Variants in AFAP1L1 observed in about 807,000 individuals in gnomAD.
The protein encoded by AFAP1L1 is actin filament associated protein 1 like 1, also known as actin filament-associated protein 1-like 1.
Under a neutral mutation model 99.8 loss-of-function variants are expected in AFAP1L1, and 77 were observed. The observed-to-expected ratio is 0.77, with a 90% CI of 0.64 to 0.93. The LOEUF is 0.93. Among genes scored for constraint, AFAP1L1 ranks in the 40% least tolerant of loss-of-function variants. The pLI, the probability that AFAP1L1 is intolerant of heterozygous loss-of-function variation, is 0.00. For synonymous variants in AFAP1L1, 373 were observed against 395.3 expected (o/e 0.94, Z 0.67); for missense variants, 893 against 996.8 (o/e 0.90, Z 1.40).
chr5:149,317,891 C>A lies in AFAP1L1; in HGVS notation c.1430C>A (p.Pro477Gln). 1 of 1,595,494 alleles carries A rather than the reference C, an allele frequency of 6.3e-7. No homozygotes were observed. The highest frequency in any genetic ancestry group is 1.1e-5 in the South Asian group (1 of 87,996). ...GCCCCGGGCTTTGGGCCCCGACACCCATTTGCCTTCAGGATCCTGCGCAAC... is the reference window on the plus strand; with the variant it reads ...GCCCCGGGCTTTGGGCCCCGACACCAATTTGCCTTCAGGATCCTGCGCAAC... ...EVAPGFGPRH[P>Q]FAFRILRNRQ... Residue 477 changes from proline (P) to glutamine (Q), a missense_variant, in exon 12 of 19, where the codon CCA becomes CAA. Pro to Gln is a moderately conservative substitution (Grantham distance 76). Transcript: ENST00000296721.
chr5:149,335,739 G>A lies in AFAP1L1; in HGVS notation c.2283+17G>A. The A allele has an allele frequency of 1.9e-6, 3 of 1,605,808 alleles. No individual in the cohort carries two copies. The highest frequency in any genetic ancestry group is 2.5e-6 in the Non-Finnish European group (3 of 1,177,742). On this transcript the variant is annotated intron_variant, in intron 18 of 18. Transcript: ENST00000296721. ...AAAGCCAAGGTAGAGCCATAGTTCT[G>A]CTCCTCAAAAATCAGAGATCTGGTA... is the stretch of plus-strand genomic sequence containing the variant.
chr5:149,319,085 C>A (rs974738783), intron 12 of AFAP1L1, among the ~76,000 whole-genome samples: 1 of 152,198 alleles, frequency 6.6e-6, no homozygotes, highest in Non-Finnish European at 1.5e-5. Context: ...ATAAGATGCT[C>A]TTTAAATGAG....
chr5:149,277,408 G>A lies in AFAP1L1; in HGVS notation c.16+5424G>A, dbSNP rs575177847. ...CAGCTTTTGAGATCCAAATTAGGAA[G>A]GCCATGTCTTCCCTACAGTGTCCAT... On this transcript the variant is annotated intron_variant, in intron 1 of 18. Coordinates refer to ENST00000296721, the MANE Select transcript of AFAP1L1 (RefSeq NM_152406.4). 5.3e-5 allele frequency among the ~76,000 whole-genome samples: 8 copies of A among 152,262 alleles called. No homozygotes were observed. In the East Asian group the frequency reaches 1.4e-3, roughly 26 times the overall value.
chr5:149,281,382 G>A (rs1381579268), intron 1 of AFAP1L1, among the ~76,000 whole-genome samples: 1 of 152,140 alleles, frequency 6.6e-6, no homozygotes, highest in Non-Finnish European at 1.5e-5. Context: ...CCTGAAAGAT[G>A]CAGCTCAGCG....
rs770551768 is a variant in AFAP1L1 at position 149,309,954 on chromosome 5, A to G, written c.748-2A>G. 1.9e-6 allele frequency: 3 copies of G among 1,614,116 alleles called. No homozygotes were observed. Among genetic ancestry groups the G allele is most frequent in the Non-Finnish European group, 8.5e-7 (1 of 1,180,010 alleles). ...TCCTGATGTGTTTCTCTCCCTGTCC[A>G]GTGTTACAAAAGCTCCAAGGATCGG... On this transcript the variant is annotated splice_acceptor_variant, in intron 7 of 18. Coordinates refer to ENST00000296721, the MANE Select transcript of AFAP1L1 (RefSeq NM_152406.4). LOFTEE classifies it high-confidence loss of function.
At position 149,316,289 on chromosome 5, in the gene AFAP1L1, A is replaced by T; in HGVS notation, c.1253A>T (p.Glu418Val). 6.2e-7 allele frequency: 1 copy of T among 1,613,730 alleles called. No homozygotes were observed. Among genetic ancestry groups the T allele is most frequent in the South Asian group, 1.1e-5 (1 of 91,024 alleles). Residue 418 changes from glutamate (E) to valine (V), a missense_variant, in exon 11 of 19, where the codon GAG becomes GTG. Coordinates refer to ENST00000296721, the MANE Select transcript of AFAP1L1 (RefSeq NM_152406.4). Reference sequence around the variant, plus strand: ...CTGCAGACGTCCTCCACCGAGGAGGAGGTTCCCTGCTGTGGTGGGTCCAGG... The same window carrying T: ...CTGCAGACGTCCTCCACCGAGGAGGTGGTTCCCTGCTGTGGTGGGTCCAGG... Reference protein sequence around the residue: ...DDLQTSSTEEEVPCCGYLNVL... With the variant: ...DDLQTSSTEEVVPCCGYLNVL...
intron 1 of AFAP1L1, among the ~76,000 whole-genome samples, chr5:149,296,181 A>T (rs1339395063): frequency 6.6e-6 from 1 of 152,126 alleles, no homozygotes. Flanking sequence ...CTACAGGCAC[A>T]TGCCACCACT....
At chr5:149,291,628 G>A (rs1755865536) in intron 1 of AFAP1L1, among the ~76,000 whole-genome samples, 1 of 149,002 alleles carries the variant, frequency 6.7e-6, no homozygotes, top group African/African-American at 2.5e-5. Flanking sequence ...CCCTACCCAA[G>A]CACTGAGCTC....
In AFAP1L1 at chr5:149,302,666, A is replaced by G. The variant is rs573229348; in HGVS notation, c.436+140A>G. ...TGTCACCATTGGCTTAGGAGAAGCT[A>G]CCCTGGGCACCTGGCCTCTTCGGTG... On this transcript the variant is annotated intron_variant, in intron 5 of 18. Transcript: ENST00000296721. 1.8e-5 allele frequency: 13 copies of G among 737,646 alleles called. 1 individual carries two copies. Among genetic ancestry groups the G allele is most frequent in the Middle Eastern group, 3.2e-4 (1 of 3,104 alleles). The allele number at this position is 737,646 out of a possible 1,614,324, so 45.7% of individuals were successfully genotyped here.
chr5:149,313,054 A>T (rs1315667945), intron 9 of AFAP1L1, among the ~76,000 whole-genome samples: 1 of 151,672 alleles, frequency 6.6e-6, no homozygotes, highest in African/African-American at 2.4e-5. Context: ...TTGAACCGGG[A>T]GGCAGAGGTT....
rs1241656084 is a variant in AFAP1L1 at position 149,342,634 on chromosome 5, A to G, written c.*2604A>G. Among the ~76,000 whole-genome samples the G allele has an allele frequency of 6.6e-6, 1 of 152,218 alleles. No individual in the cohort carries two copies. On this transcript the variant is annotated 3_prime_UTR_variant, in exon 19 of 19. Transcript: ENST00000296721. ...GTTGTTAAAATGCCTTGTTTAGGCCAGGTATGGTGGCTCATGCCTGTAATC... is the reference window on the plus strand; with the variant it reads ...GTTGTTAAAATGCCTTGTTTAGGCCGGGTATGGTGGCTCATGCCTGTAATC...
At chr5:149,288,241 A>G (rs1051348674) in intron 1 of AFAP1L1, among the ~76,000 whole-genome samples, 3 of 152,220 alleles carry the variant, frequency 2.0e-5, no homozygotes, top group African/African-American at 7.2e-5. Flanking sequence ...TAGTGCTGCG[A>G]TTGAAAGCTT....
intron 12 of AFAP1L1, 48 bp from the exon 13 acceptor site, chr5:149,319,534 G>A (rs373790990): frequency 5.8e-6 from 9 of 1,557,642 alleles, no homozygotes; most frequent in Non-Finnish European, 7.8e-6. Context: ...GTCTCCAGGA[G>A]CCCTGACAGT....
chr5:149,315,207 A>C (rs183506651), intron 9 of AFAP1L1, among the ~76,000 whole-genome samples: 5 of 152,216 alleles, frequency 3.3e-5, no homozygotes, highest in Non-Finnish European at 4.4e-5. Flanking sequence ...AATTGTTGAC[A>C]TGTTGTGTGT....
In AFAP1L1 at chr5:149,299,582, C is replaced by A; in HGVS notation, c.90C>A (p.Thr30=). The change falls in exon 2 of 19, where the codon ACC becomes ACA. Residue 30 remains threonine (T), a synonymous_variant. Transcript: ENST00000296721. ...LLDHEYLSDT[T]LEKKMAVASI... ...ACCACGAGTACCTCAGCGATACCAC[C>A]CTGGAAAAGAAGATGGCCGTGGCCT... 1 of 1,614,178 alleles carries A rather than the reference C, an allele frequency of 6.2e-7. No individual in the cohort carries two copies. The highest frequency in any genetic ancestry group is 8.5e-7 in the Non-Finnish European group (1 of 1,180,010).
chr5:149,317,994 A>G (rs1373691524), intron 12 of AFAP1L1, 54 bp downstream of exon 12: 1 of 1,530,158 alleles, frequency 6.5e-7, no homozygotes, highest in Non-Finnish European at 8.8e-7. Flanking sequence ...CTCTGGCCTG[A>G]GTGTCATGTT....
At chr5:149,273,613 A>G (rs1264313623) in intron 1 of AFAP1L1, among the ~76,000 whole-genome samples, 1 of 152,126 alleles carries the variant, frequency 6.6e-6, no homozygotes, top group Non-Finnish European at 1.5e-5. Context: ...AGATTTGTAA[A>G]GCAGTTCTCA....
At position 149,316,154 on chromosome 5, in the gene AFAP1L1, A is replaced by G. The variant is rs779490335; in HGVS notation, c.1118A>G (p.Lys373Arg). 3.7e-6 allele frequency: 6 copies of G among 1,612,820 alleles called. No homozygotes were observed. The South Asian group carries it at 5.5e-5, about 15-fold the overall frequency. Residue 373 changes from lysine (K) to arginine (R), a missense_variant, in exon 11 of 19, where the codon AAA (lysine) becomes AGA (arginine). Lys to Arg is a conservative substitution (Grantham distance 26, BLOSUM62 2). Coordinates refer to ENST00000296721, the MANE Select transcript of AFAP1L1 (RefSeq NM_152406.4). ...LGRRETCDHGKGKKSSLAELK... is the reference protein window; with the variant it reads ...LGRRETCDHGRGKKSSLAELK... ...CCCTGACCCATTTCCCCAACAGGCA[A>G]AGGGAAGAAGAGCAGCCTGGCAGAA...
intron 7 of AFAP1L1, among the ~76,000 whole-genome samples, chr5:149,308,208 A>T (rs1756496781): frequency 6.6e-6 from 1 of 152,248 alleles, no homozygotes; most frequent in Non-Finnish European, 1.5e-5. Flanking sequence ...ACAAAAAAAC[A>T]GAATTTTTAA....
Sources: gnomAD v4.1 joint callset for allele counts (sites outside exome capture counted in the v4.1 genomes callset) on GRCh38, gnomAD v4.1.1 for gene constraint, MANE v1.5 for transcripts, NCBI Gene and HGNC (gene_info 2026-07-23, HGNC 2026-07-21) for gene names.